The following DNAH12 variants were observed in gnomAD, a reference collection of about 807,000 sequenced individuals.
DNAH12 encodes the protein axonemal beta dynein heavy chain 12.
Under a neutral mutation model 371.5 loss-of-function variants are expected in DNAH12, and 285 were observed. That is an observed-to-expected ratio of 0.77 (90% CI 0.70 to 0.85). The LOEUF (loss-of-function observed/expected upper bound fraction) is 0.85, where lower values mean the gene tolerates loss of function less well. Among genes scored for constraint, DNAH12 ranks in the 40% least tolerant of loss-of-function variants. The pLI is 0.00. For missense variants in DNAH12, 3,611 were observed against 3,689.4 expected, an observed-to-expected ratio of 0.98 and a Z score of 0.55; for synonymous variants, 1,200 against 1,213.0, an observed-to-expected ratio of 0.99 and a Z score of 0.22.
intron 60 of DNAH12, among the ~76,000 whole-genome samples, chr3:57,335,264 G>A (rs6765079): frequency 0.32 from 48,875 of 151,972 alleles, 8,708 homozygotes; most frequent in African/African-American, 0.46. Flanking sequence ...TGAGGAAACC[G>A]GCATTAAGTT....
intron 25 of DNAH12, among the ~76,000 whole-genome samples, chr3:57,450,155 G>C (rs570842988): frequency 1.2e-4 from 18 of 151,370 alleles, no homozygotes; most frequent in African/African-American, 3.6e-4. Flanking sequence ...GGCTGAGGCA[G>C]GAGAATCACT....
chr3:57,373,956 G>T (rs1327389209), intron 55 of DNAH12, among the ~76,000 whole-genome samples: 2 of 152,142 alleles, frequency 1.3e-5, no homozygotes, highest in Non-Finnish European at 2.9e-5. Context: ...CTTCCAGAAA[G>T]ATTTGCAAAG....
Position 57,319,743 on chromosome 3 carries a change from A to ATTT in DNAH12, c.10524+2597_10524+2599dup, listed in dbSNP as rs35617325. ...AGCCACATGCCACCACACCTTGCTA[A>ATTT]TTTTTTTTTTTTTTGTATTTTTAGT... On this transcript the variant is annotated intron_variant, in intron 65 of 73. Transcript: ENST00000495027. 1.7e-4 allele frequency among the ~76,000 whole-genome samples: 25 copies of ATTT among 143,414 alleles called. No homozygotes were observed. In the South Asian group the frequency reaches 5.1e-3, roughly 29 times the overall value. The allele number at this position is 143,414 out of a possible 152,430, so 94.1% of individuals were successfully genotyped here.
At chr3:57,297,833 G>A (rs1210517776) in intron 70 of DNAH12, among the ~76,000 whole-genome samples, 1 of 152,158 alleles carries the variant, frequency 6.6e-6, no homozygotes, top group East Asian at 1.9e-4. Context: ...ATTTGGATCA[G>A]ACGTAGCATC....
intron 19 of DNAH12, 111 bp from the exon 20 acceptor site, chr3:57,459,897 C>T (rs1212721087): frequency 1.0e-5 from 10 of 959,898 alleles, no homozygotes; most frequent in Non-Finnish European, 1.2e-5. Context: ...GTGCAAACAT[C>T]TCACAGCTTA....
intron 55 of DNAH12, among the ~76,000 whole-genome samples, chr3:57,373,185 C>G (rs1351306892): frequency 6.6e-6 from 1 of 152,144 alleles, no homozygotes; most frequent in African/African-American, 2.4e-5. Flanking sequence ...GTTTGTTACT[C>G]TGGCTTGGGT....
At chr3:57,472,720 AT>A in intron 13 of DNAH12, 49 bp from the exon 14 acceptor site, 1 of 1,513,518 alleles carries the variant, frequency 6.6e-7, no homozygotes, top group East Asian at 2.5e-5. Flanking sequence ...AATCTACATC[AT>A]TATGAAAAAG....
At chr3:57,322,520 G>C in intron 64 of DNAH12, 37 bp from the exon 65 acceptor site, 4 of 1,532,706 alleles carry the variant, frequency 2.6e-6, no homozygotes, top group Non-Finnish European at 3.5e-6. Context: ...ATACAAGATA[G>C]CAAGTGGAGG....
chr3:57,359,576 A>AG, intron 58 of DNAH12, among the ~76,000 whole-genome samples: 9 of 150,988 alleles, frequency 6.0e-5, no homozygotes, highest in African/African-American at 2.2e-4. Flanking sequence ...AAAAAAAAAA[A>AG]AAAAGAAAGA....
At chr3:57,328,290 A>G (rs533185799) in intron 62 of DNAH12, among the ~76,000 whole-genome samples, 2 of 151,934 alleles carry the variant, frequency 1.3e-5, no homozygotes, top group African/African-American at 2.4e-5. Flanking sequence ...TCCTTGATGA[A>G]CATTGATGCA....
chr3:57,421,902 C>CTTTTTTGTTTTTT (rs2064595842), intron 35 of DNAH12, among the ~76,000 whole-genome samples, 196 bp from the exon 36 acceptor site: 1 of 98,548 alleles, frequency 1.0e-5, no homozygotes, highest in Admixed American at 1.1e-4. Context: ...GTTTGCATGT[C>CTTTTTTGTTTTTT]TTTTTTTTTT....
chr3:57,543,465 G>A (rs933261006), intron 1 of DNAH12, among the ~76,000 whole-genome samples: 1 of 150,984 alleles, frequency 6.6e-6, no homozygotes, highest in Non-Finnish European at 1.5e-5. Context: ...TAGGACTACA[G>A]GTGCGCAACC....
At chr3:57,404,923 C>T in intron 42 of DNAH12, 46 bp downstream of exon 42, 3 of 1,418,344 alleles carry the variant, frequency 2.1e-6, no homozygotes, top group Non-Finnish European at 2.8e-6. Flanking sequence ...TTCATAATAA[C>T]ATTTTACAGA....
Position 57,438,037 on chromosome 3 carries a change from G to A in DNAH12, c.4546-977C>T, listed in dbSNP as rs534923910. On this transcript the variant is annotated intron_variant, in intron 29 of 73. Transcript: ENST00000495027. ...AAAATAATACCACCTGGCCAGGTGC[G>A]GTGGCTCATGCCTGTAATCCCAGCA... Among the ~76,000 whole-genome samples, 20 of 152,270 alleles carry A rather than the reference G, an allele frequency of 1.3e-4. No homozygotes were observed. The South Asian group carries it at 3.5e-3, about 27-fold the overall frequency.
intron 69 of DNAH12, among the ~76,000 whole-genome samples, chr3:57,303,414 CTTT>C (rs769186872): frequency 3.2e-5 from 4 of 123,632 alleles, no homozygotes; most frequent in Non-Finnish European, 3.4e-5. Flanking sequence ...TTTTCTTTTT[CTTT>C]TTTTTTTTTT....
chr3:57,298,188 T>A (rs2095548386), intron 70 of DNAH12, among the ~76,000 whole-genome samples: 1 of 152,224 alleles, frequency 6.6e-6, no homozygotes, highest in Non-Finnish European at 1.5e-5. Context: ...GAACTCCACC[T>A]AGCCATGCAG....
At chr3:57,434,623 T>C (rs983013971) in intron 30 of DNAH12, among the ~76,000 whole-genome samples, 2 of 152,162 alleles carry the variant, frequency 1.3e-5, no homozygotes, top group Non-Finnish European at 2.9e-5. Flanking sequence ...TAATGTGGCA[T>C]TGGCTTAAAG....
intron 2 of DNAH12, among the ~76,000 whole-genome samples, chr3:57,539,804 G>A (rs1178536544): frequency 6.6e-6 from 1 of 151,618 alleles, no homozygotes; most frequent in East Asian, 1.9e-4. Context: ...TTTTAGTAGA[G>A]ACAGGGTTTC....
intron 62 of DNAH12, among the ~76,000 whole-genome samples, chr3:57,332,894 C>G (rs534855134): frequency 2.9e-4 from 44 of 152,246 alleles, no homozygotes; most frequent in African/African-American, 1.1e-3. Context: ...ACGGGTGGCA[C>G]TTTGGTAGAG....
Sources: allele counts gnomAD v4.1 joint callset (sites outside exome capture counted in the v4.1 genomes callset), GRCh38; gene constraint gnomAD v4.1.1; transcripts MANE v1.5; gene names NCBI Gene and HGNC (gene_info 2026-07-23, HGNC 2026-07-21).